ZDHHC21: variants seen among roughly 807,000 people sequenced by gnomAD.
The protein encoded by ZDHHC21 is palmitoyltransferase ZDHHC21.
A neutral mutation model predicts 34.6 loss-of-function variants in ZDHHC21; 15 were observed. That is an observed-to-expected ratio of 0.43 (90% CI 0.29 to 0.67). The LOEUF is 0.67. ZDHHC21 is among the 30% of genes least tolerant of loss of function. ZDHHC21 has a pLI of 0.14. For synonymous variants in ZDHHC21, 142 were observed against 101.8 expected (o/e 1.40, Z -2.38); for missense variants, 344 against 327.7 (o/e 1.05, Z -0.38).
chr9:14,670,761 T>C (rs1835295311), intron 5 of ZDHHC21, among the ~76,000 whole-genome samples: 1 of 152,092 alleles, frequency 6.6e-6, no homozygotes, highest in South Asian at 2.1e-4. Context: ...TACATATCTA[T>C]ATGTTTAGGG....
chr9:14,599,935 G>A, the ZDHHC21 span, among the ~76,000 whole-genome samples: 1 of 152,098 alleles, frequency 6.6e-6, no homozygotes, highest in Non-Finnish European at 1.5e-5. Context: ...TGCAGAAAAG[G>A]CCTTAGATAA....
the ZDHHC21 span, among the ~76,000 whole-genome samples, chr9:14,601,920 C>T: frequency 6.6e-6 from 1 of 152,086 alleles, no homozygotes; most frequent in Non-Finnish European, 1.5e-5. Context: ...ACTACATGTT[C>T]TCACTCATAA....
chr9:14,637,151 C>T (rs1828453027), intron 8 of ZDHHC21, among the ~76,000 whole-genome samples: 1 of 151,728 alleles, frequency 6.6e-6, no homozygotes, highest in Non-Finnish European at 1.5e-5. Flanking sequence ...GTGAATAAAC[C>T]ACTTTCAAGA....
chr9:14,630,077 G>C (rs954141992), intron 8 of ZDHHC21, among the ~76,000 whole-genome samples: 1 of 152,096 alleles, frequency 6.6e-6, no homozygotes. Flanking sequence ...AACCAATAAA[G>C]TCTGCTGCAT....
At chr9:14,597,120 G>C in the ZDHHC21 span, among the ~76,000 whole-genome samples, 2 of 152,264 alleles carry the variant, frequency 1.3e-5, no homozygotes, top group East Asian at 3.9e-4. Context: ...CCATGCAACA[G>C]CATTGTTCCA....
At chr9:14,604,651 T>C in the ZDHHC21 span, among the ~76,000 whole-genome samples, 1 of 152,310 alleles carries the variant, frequency 6.6e-6, no homozygotes, top group East Asian at 1.9e-4. Context: ...ATTACACAAA[T>C]TTAGTAAACT....
chr9:14,622,193 A>G (rs937687242), intron 8 of ZDHHC21, among the ~76,000 whole-genome samples: 11 of 152,118 alleles, frequency 7.2e-5, no homozygotes, highest in South Asian at 4.1e-4. Flanking sequence ...ACCAAGAGAT[A>G]TATGAGGATG....
chr9:14,621,092 T>TA (rs1271304060), intron 8 of ZDHHC21, among the ~76,000 whole-genome samples: 1 of 152,030 alleles, frequency 6.6e-6, no homozygotes, highest in Non-Finnish European at 1.5e-5. Context: ...AATGGTTTCT[T>TA]AGAGTTTTGA....
intron 8 of ZDHHC21, among the ~76,000 whole-genome samples, chr9:14,624,606 G>C (rs879363573): frequency 6.6e-5 from 10 of 152,090 alleles, no homozygotes; most frequent in African/African-American, 2.4e-4. Flanking sequence ...TGATCTCACA[G>C]AAGTATGAAT....
intron 8 of ZDHHC21, among the ~76,000 whole-genome samples, chr9:14,635,614 C>T (rs1462575179): frequency 6.6e-6 from 1 of 152,138 alleles, no homozygotes; most frequent in African/African-American, 2.4e-5. Flanking sequence ...GAAAAAGGCA[C>T]GTGATAACAA....
Position 14,613,587 on chromosome 9 carries a change from T to A in ZDHHC21, c.*5379A>T, listed in dbSNP as rs1290777451. ...TATTTTGTCCGCATCTTTGTTTATA[T>A]ATAAAGCTATCGATACCAAAAAAAT... is the stretch of plus-strand genomic sequence containing the variant. On this transcript the variant is annotated 3_prime_UTR_variant, in exon 10 of 10. Coordinates refer to ENST00000380916, the MANE Select transcript of ZDHHC21 (RefSeq NM_178566.6). 6.6e-6 allele frequency: 1 copy of A among 151,846 alleles called. No homozygotes were observed. The allele number at this position is 151,846 out of a possible 1,614,324, so 9.4% of individuals were successfully genotyped here. A position where few individuals can be genotyped will look rare whatever the true frequency, so the allele number is the denominator to read the frequency against.
At position 14,615,467 on chromosome 9, in the gene ZDHHC21, A is replaced by G. The variant is rs1189102905; in HGVS notation, c.*3499T>C. On this transcript the variant is annotated 3_prime_UTR_variant, in exon 10 of 10. Coordinates refer to ENST00000380916, the MANE Select transcript of ZDHHC21 (RefSeq NM_178566.6). ...CCATGCTTTTTTTCTGAAAAAGTTA[A>G]TATGTTAACTACAATTTAAAACAGC... The G allele has an allele frequency of 4.6e-5, 7 of 151,750 alleles. No individual in the cohort carries two copies. The highest frequency in any genetic ancestry group is 8.9e-5 in the Non-Finnish European group (6 of 67,736). 9.4% of individuals were successfully genotyped at this position (151,750 alleles called of 1,614,324 possible). A position where few individuals can be genotyped will look rare whatever the true frequency, so the allele number is the denominator to read the frequency against.
chr9:14,646,185 T>G (rs1830252885), intron 7 of ZDHHC21, among the ~76,000 whole-genome samples: 1 of 152,104 alleles, frequency 6.6e-6, no homozygotes, highest in Non-Finnish European at 1.5e-5. Flanking sequence ...GGCTTTATAT[T>G]AAATGAAATA....
chr9:14,680,323 C>T (rs181135212), intron 2 of ZDHHC21, among the ~76,000 whole-genome samples, 161 bp from the exon 3 acceptor site: 85 of 152,228 alleles, frequency 5.6e-4, no homozygotes, highest in African/African-American at 2.0e-3. Context: ...TCCCACCCAT[C>T]CCCTCAGAAT....
chr9:14,676,760 T>C (rs991234488), intron 3 of ZDHHC21, among the ~76,000 whole-genome samples: 3 of 151,982 alleles, frequency 2.0e-5, no homozygotes, highest in Non-Finnish European at 2.9e-5. Context: ...GAATCTCAAA[T>C]ACAAATGGTA....
At chr9:14,692,910 T>G (rs1392952560) in intron 1 of ZDHHC21, among the ~76,000 whole-genome samples, 2 of 151,300 alleles carry the variant, frequency 1.3e-5, no homozygotes, top group East Asian at 3.9e-4. Context: ...AATAAATAAA[T>G]AAATAACTAG....
At chr9:14,623,208 G>C (rs1825614508) in intron 8 of ZDHHC21, among the ~76,000 whole-genome samples, 1 of 151,492 alleles carries the variant, frequency 6.6e-6, no homozygotes, top group Non-Finnish European at 1.5e-5. Flanking sequence ...GCTCTGCATA[G>C]CAAAGGAAAC....
chr9:14,618,984 G>C lies in ZDHHC21; in HGVS notation c.780C>G (p.His260Gln). Residue 260 changes from histidine to glutamine, a missense_variant, in exon 10 of 10, where the codon CAC (histidine) becomes CAG (glutamine). Physicochemically the swap from His to Gln is conservative, Grantham distance 24 (BLOSUM62 0). Transcript: ENST00000380916. ...RQRQPLRVPY[H>Q]FANHV ...CATCTGTTTAGACATGATTGGCAAA[G>C]TGGTAGGGAACTCGCAGTGGTTGCC... 20 of 1,610,244 alleles carry C rather than the reference G, an allele frequency of 1.2e-5. No individual in the cohort carries two copies. The highest frequency in any genetic ancestry group is 1.7e-4 in the Middle Eastern group (1 of 6,040).
At chr9:14,684,230 G>A (rs1393184970) in intron 2 of ZDHHC21, among the ~76,000 whole-genome samples, 3 of 151,084 alleles carry the variant, frequency 2.0e-5, no homozygotes. Context: ...GGAAATAAAG[G>A]GTATTCAATT....
Sources: gnomAD v4.1 joint callset for allele counts (sites outside exome capture counted in the v4.1 genomes callset) on GRCh38, gnomAD v4.1.1 for gene constraint, MANE v1.5 for transcripts, NCBI Gene and HGNC (gene_info 2026-07-23, HGNC 2026-07-21) for gene names.